Variants in LINGO2 observed in about 807,000 individuals in gnomAD.
LINGO2 encodes leucine rich repeat and Ig domain containing 2, also known as leucine-rich repeat and immunoglobulin-like domain-containing nogo receptor-interacting protein 2.
Under a neutral mutation model 30.6 loss-of-function variants are expected in LINGO2, and 14 were observed. The ratio of observed to expected loss-of-function variants is 0.46; its 90% CI spans 0.30 to 0.72. The LOEUF (loss-of-function observed/expected upper bound fraction) is 0.72. Among genes scored for constraint, LINGO2 ranks in the 30% least tolerant of loss-of-function variants. The pLI, the probability that LINGO2 is intolerant of heterozygous loss-of-function variation, is 0.07. For synonymous variants in LINGO2, 317 were observed against 288.5 expected (o/e 1.10, Z -1.00); for missense variants, 729 against 751.7 (o/e 0.97, Z 0.35).
chr9:28,202,008 C>T (rs1020159054), intron 4 of LINGO2, among the ~76,000 whole-genome samples: 1 of 152,112 alleles, frequency 6.6e-6, no homozygotes, highest in South Asian at 2.1e-4. Context: ...ATGCCTCCCA[C>T]AGTTTGGAGG....
intron 4 of LINGO2, among the ~76,000 whole-genome samples, chr9:28,100,845 G>C (rs147086055): frequency 4.6e-5 from 7 of 152,160 alleles, no homozygotes; most frequent in East Asian, 1.9e-4. Flanking sequence ...TGAGCTTTGC[G>C]TACGATTGTG....
chr9:28,161,420 G>A (rs1007999074), intron 4 of LINGO2, among the ~76,000 whole-genome samples: 3 of 151,992 alleles, frequency 2.0e-5, no homozygotes, highest in Non-Finnish European at 4.4e-5. Context: ...AGATATAAGT[G>A]TAATGACAAT....
intron 3 of LINGO2, among the ~76,000 whole-genome samples, chr9:28,302,579 G>A (rs2134214089): frequency 6.6e-6 from 1 of 152,232 alleles, no homozygotes; most frequent in Middle Eastern, 3.4e-3. Context: ...GCTGAGTTGG[G>A]AGGATCACCT....
chr9:28,095,908 C>A (rs995391038), intron 4 of LINGO2, among the ~76,000 whole-genome samples: 1 of 152,122 alleles, frequency 6.6e-6, no homozygotes, highest in Admixed American at 6.6e-5. Flanking sequence ...AGGACATGAA[C>A]AGACACTTCT....
downstream of LINGO2, among the ~76,000 whole-genome samples, chr9:27,945,242 C>G (rs2118191027): frequency 6.6e-6 from 1 of 152,154 alleles, no homozygotes; most frequent in African/African-American, 2.4e-5. Context: ...TCTTTTGTTC[C>G]TCTGATATAA....
chr9:28,259,425 A>G (rs1181961787), intron 4 of LINGO2, among the ~76,000 whole-genome samples: 2 of 151,910 alleles, frequency 1.3e-5, no homozygotes, highest in South Asian at 2.1e-4. Context: ...GAGATTTGGC[A>G]ATTAATTTCT....
intron 4 of LINGO2, among the ~76,000 whole-genome samples, chr9:28,251,731 A>C (rs7875863): frequency 0.014 from 2,123 of 151,674 alleles, 60 homozygotes; most frequent in African/African-American, 0.047. Context: ...AAGATTTCAA[A>C]GAAAAGCAAG....
chr9:28,740,880 C>T, the LINGO2 span, among the ~76,000 whole-genome samples: 10 of 152,038 alleles, frequency 6.6e-5, no homozygotes, highest in African/African-American at 2.4e-4. Flanking sequence ...GATCTTTTGA[C>T]CTTATTCCTC....
rs192294315 is a variant in LINGO2 at position 28,597,363 on chromosome 9, A to G, written c.-365+72837T>C. On this transcript the variant is annotated intron_variant, in intron 1 of 5. Coordinates refer to ENST00000379992, the Ensembl canonical transcript of LINGO2. The stretch of plus-strand genomic sequence containing the variant: ...GCAATCAGAAGTGCCGAAGTGAAGA[A>G]AGAGCTATTAATAGAGAGGAACAGT... 2.6e-5 allele frequency among the ~76,000 whole-genome samples: 4 copies of G among 152,314 alleles called. No individual in the cohort carries two copies. The East Asian group carries it at 5.8e-4, about 22-fold the overall frequency.
intron 4 of LINGO2, among the ~76,000 whole-genome samples, chr9:28,052,389 C>T (rs1587774056): frequency 6.6e-6 from 1 of 152,060 alleles, no homozygotes; most frequent in African/African-American, 2.4e-5. Flanking sequence ...TTGCTCACAC[C>T]TTGTGGTTAG....
the LINGO2 span, among the ~76,000 whole-genome samples, chr9:29,127,913 A>T: frequency 6.6e-6 from 1 of 152,178 alleles, no homozygotes; most frequent in Non-Finnish European, 1.5e-5. Flanking sequence ...CCATAATGGC[A>T]GAAGATAATG....
chr9:28,389,048 A>G (rs1821717202), intron 2 of LINGO2, among the ~76,000 whole-genome samples: 1 of 152,158 alleles, frequency 6.6e-6, no homozygotes, highest in African/African-American at 2.4e-5. Context: ...TATTTTTGCT[A>G]TAACCTGGTA....
At chr9:28,021,048 T>A (rs1311512409) in intron 4 of LINGO2, among the ~76,000 whole-genome samples, 4 of 151,410 alleles carry the variant, frequency 2.6e-5, no homozygotes, top group Non-Finnish European at 5.9e-5. Context: ...TTTTGCTCAA[T>A]TTTTTTTTAT....
chr9:28,915,752 A>G, the LINGO2 span, among the ~76,000 whole-genome samples: 1 of 152,190 alleles, frequency 6.6e-6, no homozygotes, highest in Admixed American at 6.5e-5. Context: ...GGTATACTAG[A>G]GACCAGATTT....
At chr9:29,172,278 AATCT>A in the LINGO2 span, among the ~76,000 whole-genome samples, 7 of 151,840 alleles carry the variant, frequency 4.6e-5, no homozygotes, top group African/African-American at 7.2e-5. Context: ...AGATAATTTT[AATCT>A]ATCCACTTAT....
At chr9:28,955,911 G>A in the LINGO2 span, among the ~76,000 whole-genome samples, 1 of 152,010 alleles carries the variant, frequency 6.6e-6, no homozygotes, top group Non-Finnish European at 1.5e-5. Context: ...GGGATTACAG[G>A]CATGAACGAC....
chr9:28,760,906 A>C, the LINGO2 span, among the ~76,000 whole-genome samples: 1 of 134,314 alleles, frequency 7.4e-6, no homozygotes, highest in Non-Finnish European at 1.6e-5. Flanking sequence ...ATATATATGT[A>C]TATACGTACG....
chr9:29,133,120 C>T, the LINGO2 span, among the ~76,000 whole-genome samples: 2 of 152,134 alleles, frequency 1.3e-5, no homozygotes, highest in Non-Finnish European at 2.9e-5. Flanking sequence ...AATAATGACA[C>T]AGTCAAATTC....
intron 5 of LINGO2, among the ~76,000 whole-genome samples, chr9:27,999,358 G>A (rs1336911200): frequency 1.3e-5 from 2 of 151,864 alleles, no homozygotes; most frequent in Admixed American, 6.6e-5. Flanking sequence ...TTGTGTGCAG[G>A]TGTAACTTGC....
Sources: allele counts gnomAD v4.1 joint callset (sites outside exome capture counted in the v4.1 genomes callset), GRCh38; gene constraint gnomAD v4.1.1; transcripts MANE v1.5; gene names NCBI Gene and HGNC (gene_info 2026-07-23, HGNC 2026-07-21).